Variants in ACVR1B observed in about 807,000 individuals in gnomAD.
ACVR1B encodes activin receptor type-1B.
Under a neutral mutation model 55.6 loss-of-function variants are expected in ACVR1B, and 15 were observed. The ratio of observed to expected loss-of-function variants is 0.27; its 90% CI spans 0.18 to 0.42. The LOEUF (loss-of-function observed/expected upper bound fraction) is 0.42. Among genes scored for constraint, ACVR1B ranks in the 10% least tolerant of loss-of-function variants. ACVR1B has a pLI of 1.00. For synonymous variants in ACVR1B, 247 were observed against 254.6 expected (o/e 0.97, Z 0.28); for missense variants, 359 against 670.1 (o/e 0.54, Z 5.13).
chr12:51,982,803 C>A, intron 4 of ACVR1B: 1 of 1,522,328 alleles, frequency 6.6e-7, no homozygotes, highest in South Asian at 1.2e-5. Flanking sequence ...TTTTTATTCC[C>A]ACTGAGTAAG....
At chr12:51,964,322 T>C (rs1207310273) in intron 1 of ACVR1B, among the ~76,000 whole-genome samples, 6 of 152,204 alleles carry the variant, frequency 3.9e-5, no homozygotes, top group African/African-American at 1.4e-4. Context: ...CAGTTTTTAA[T>C]TGGGTTGTTG....
At chr12:51,984,228 A>AT in intron 5 of ACVR1B, 62 bp downstream of exon 5, 15 of 1,570,178 alleles carry the variant, frequency 9.6e-6, no homozygotes, top group Non-Finnish European at 1.3e-5. Flanking sequence ...CAGTGTCCTG[A>AT]TTTAGTTCCT....
chr12:51,985,413 T>TC, intron 6 of ACVR1B, 65 bp downstream of exon 6: 1 of 1,520,936 alleles, frequency 6.6e-7, no homozygotes, highest in Non-Finnish European at 8.8e-7. Flanking sequence ...CTGTGCCGTT[T>TC]CCCATATGCG....
intron 2 of ACVR1B, among the ~76,000 whole-genome samples, chr12:51,975,752 C>G (rs1941837077): frequency 1.3e-5 from 2 of 152,334 alleles, no homozygotes; most frequent in South Asian, 4.1e-4. Flanking sequence ...CAGCCATAGG[C>G]AGCGGTGAGG....
chr12:51,962,458 G>A lies in ACVR1B; in HGVS notation c.91+10624G>A, dbSNP rs144946552. On this transcript the variant is annotated intron_variant, in intron 1 of 8. Coordinates refer to ENST00000257963, the MANE Select transcript of ACVR1B (RefSeq NM_004302.5). ...GTACTTGAAAGCTTTTTGTTTTAAT[G>A]TATTTTTAAAATCTAATTTTGATGA... Among the ~76,000 whole-genome samples the A allele has an allele frequency of 4.4e-3, 672 of 151,956 alleles. 10 individuals carry two copies. The highest frequency in any genetic ancestry group is 0.015 in the African/African-American group (635 of 41,416).
chr12:51,963,566 T>G (rs1941580761), intron 1 of ACVR1B, among the ~76,000 whole-genome samples: 1 of 152,250 alleles, frequency 6.6e-6, no homozygotes, highest in Non-Finnish European at 1.5e-5. Flanking sequence ...AATCTTAATG[T>G]GTGGCTTCTT....
intron 1 of ACVR1B, among the ~76,000 whole-genome samples, chr12:51,961,075 G>A (rs918877045): frequency 7.8e-6 from 1 of 128,396 alleles, no homozygotes; most frequent in Non-Finnish European, 1.7e-5. Flanking sequence ...CAAACCCAGC[G>A]TCCTCCAGTG....
rs1942287079 is a variant in ACVR1B at position 51,995,780 on chromosome 12, A to T, written c.*1670A>T. The T allele has an allele frequency of 6.6e-6, 1 of 152,508 alleles. No individual in the cohort carries two copies. Among genetic ancestry groups the T allele is most frequent in the Non-Finnish European group, 1.5e-5 (1 of 68,020 alleles). 9.4% of individuals were successfully genotyped at this position (152,508 alleles called of 1,614,324 possible). ...CTGAGCCTGTTCCCACTCAGCAGTG[A>T]GAGTTCCTCTTTGCCCTGAGGCTCA... On this transcript the variant is annotated 3_prime_UTR_variant, in exon 9 of 9. Coordinates refer to ENST00000257963, the MANE Select transcript of ACVR1B (RefSeq NM_004302.5).
chr12:51,985,832 G>A (rs1013532845), intron 6 of ACVR1B, among the ~76,000 whole-genome samples: 1 of 152,206 alleles, frequency 6.6e-6, no homozygotes, highest in Non-Finnish European at 1.5e-5. Context: ...TCATGCAGAA[G>A]TGAGGTAAGA....
chr12:51,952,229 T>C (rs1439959847), intron 1 of ACVR1B, among the ~76,000 whole-genome samples: 1 of 151,966 alleles, frequency 6.6e-6, no homozygotes, highest in African/African-American at 2.4e-5. Context: ...CTCCAGGTGC[T>C]CCTGGGGGGC....
Position 51,962,628 on chromosome 12 carries a change from C to T in ACVR1B, c.91+10794C>T, listed in dbSNP as rs184944124. 7.1e-4 allele frequency among the ~76,000 whole-genome samples: 108 copies of T among 152,080 alleles called. 1 individual carries two copies. The highest frequency in any genetic ancestry group is 3.4e-3 in the Middle Eastern group (1 of 294). On this transcript the variant is annotated intron_variant, in intron 1 of 8. Transcript: ENST00000257963. ...AGTTCCTAGTTATTGCCTTCCTGCCCCCCAAGAAAGCCACACATTGCCTCT... is the reference window on the plus strand; with the variant it reads ...AGTTCCTAGTTATTGCCTTCCTGCCTCCCAAGAAAGCCACACATTGCCTCT...
rs768035540 is a variant in ACVR1B, at chr12:51,976,559, C to T, written c.564C>T (p.Thr188=). ...TLQDLVYDLS[T]SGSGSGLPLF... The stretch of plus-strand genomic sequence containing the variant: ...AGGATCTTGTCTACGATCTCTCCAC[C>T]TCAGGGTCTGGCTCAGGTACCAAGT... Residue 188 remains threonine (T), a synonymous_variant, in exon 3 of 9, where the codon ACC becomes ACT. Transcript: ENST00000257963. 2 of 1,613,416 alleles carry T rather than the reference C, an allele frequency of 1.2e-6. No individual in the cohort carries two copies. Among genetic ancestry groups the T allele is most frequent in the Non-Finnish European group, 1.7e-6 (2 of 1,180,022 alleles).
At chr12:51,987,153 T>C (rs1942095706) in intron 7 of ACVR1B, 1 of 733,112 alleles carries the variant, frequency 1.4e-6, no homozygotes. Flanking sequence ...TAGCGTTGTG[T>C]GTTATGGTAA....
intron 7 of ACVR1B, among the ~76,000 whole-genome samples, chr12:51,988,603 T>G (rs1647517266): frequency 1.3e-5 from 2 of 152,242 alleles, no homozygotes; most frequent in Non-Finnish European, 2.9e-5. Flanking sequence ...ACTTGCTATG[T>G]ATAAGCTCAT....
chr12:51,970,662 A>G (rs1941728675), intron 1 of ACVR1B, among the ~76,000 whole-genome samples: 1 of 152,158 alleles, frequency 6.6e-6, no homozygotes, highest in South Asian at 2.1e-4. Context: ...GTATTAGGCT[A>G]TTCTTATCAC....
At chr12:51,960,079 T>G (rs978789579) in intron 1 of ACVR1B, 5 of 152,202 alleles carry the variant, frequency 3.3e-5, no homozygotes, top group Non-Finnish European at 5.9e-5. Context: ...CCAAGCTGAA[T>G]GCTGAGAGGG....
intron 1 of ACVR1B, among the ~76,000 whole-genome samples, chr12:51,971,309 T>G (rs2120557548): frequency 6.6e-6 from 1 of 152,302 alleles, no homozygotes; most frequent in African/African-American, 2.4e-5. Context: ...GCCAAGGTGG[T>G]TTTGTCTTTA....
chr12:51,976,092 G>A (rs1941846370), intron 2 of ACVR1B, among the ~76,000 whole-genome samples: 2 of 152,188 alleles, frequency 1.3e-5, no homozygotes, highest in South Asian at 4.1e-4. Flanking sequence ...AATGCGTGAG[G>A]TGACAAAGTG....
intron 3 of ACVR1B, among the ~76,000 whole-genome samples, chr12:51,980,233 T>C (rs894559026): frequency 1.3e-5 from 2 of 152,126 alleles, no homozygotes; most frequent in African/African-American, 4.8e-5. Context: ...ATGCAGTAAA[T>C]GGTAGTTCCC....
Sources: gnomAD v4.1 joint callset for allele counts (sites outside exome capture counted in the v4.1 genomes callset) on GRCh38, gnomAD v4.1.1 for gene constraint, MANE v1.5 for transcripts, NCBI Gene and HGNC (gene_info 2026-07-23, HGNC 2026-07-21) for gene names.